Variants in EPHB1 observed in about 807,000 individuals in gnomAD.
The protein encoded by EPHB1 is ephrin type-B receptor 1.
Under a neutral mutation model 94.4 loss-of-function variants are expected in EPHB1, and 30 were observed. That is an observed-to-expected ratio of 0.32 (90% CI 0.24 to 0.43). EPHB1 has a LOEUF of 0.43. EPHB1 is among the 20% of genes least tolerant of loss of function. EPHB1 has a pLI of 1.00. For synonymous variants in EPHB1, 522 were observed against 489.1 expected, an observed-to-expected ratio of 1.07 and a Z score of -0.89; for missense variants, 1,055 against 1,308.3, an observed-to-expected ratio of 0.81 and a Z score of 2.99.
At chr3:135,026,453 C>T (rs1936174858) in intron 3 of EPHB1, among the ~76,000 whole-genome samples, 7 of 149,864 alleles carry the variant, frequency 4.7e-5, no homozygotes, top group Admixed American at 4.7e-4. Flanking sequence ...TTTCCCAGCA[C>T]CATTTATTAA....
At chr3:135,118,264 G>A (rs1390083513) in intron 4 of EPHB1, among the ~76,000 whole-genome samples, 2 of 152,192 alleles carry the variant, frequency 1.3e-5, no homozygotes, top group Non-Finnish European at 2.9e-5. Context: ...TTACCATGCT[G>A]TGTGCCATGG....
intron 12 of EPHB1, among the ~76,000 whole-genome samples, chr3:135,214,524 C>A (rs1943099100): frequency 6.6e-6 from 1 of 152,178 alleles, no homozygotes; most frequent in Non-Finnish European, 1.5e-5. Flanking sequence ...CTGGAGGAAG[C>A]CAGGCCTGTC....
At chr3:135,203,184 CAG>C (rs1168559389) in intron 12 of EPHB1, among the ~76,000 whole-genome samples, 2 of 152,168 alleles carry the variant, frequency 1.3e-5, no homozygotes, top group Non-Finnish European at 2.9e-5. Flanking sequence ...CACATGGACA[CAG>C]GGAGACATCA....
At chr3:134,825,316 A>G (rs1422489337) in intron 1 of EPHB1, among the ~76,000 whole-genome samples, 1 of 152,264 alleles carries the variant, frequency 6.6e-6, no homozygotes, top group Non-Finnish European at 1.5e-5. Context: ...AATGTCAATC[A>G]GGCCAGGTCT....
At chr3:135,013,645 G>A (rs984806466) in intron 3 of EPHB1, among the ~76,000 whole-genome samples, 1 of 152,194 alleles carries the variant, frequency 6.6e-6, no homozygotes, top group African/African-American at 2.4e-5. Context: ...CACCCAGCCC[G>A]CCCAGCTTGG....
chr3:135,114,537 TAAAAAAAAAAAA>T (rs56100882), intron 4 of EPHB1, among the ~76,000 whole-genome samples: 19 of 37,218 alleles, frequency 5.1e-4, no homozygotes, highest in African/African-American at 1.2e-3. Context: ...CTGTCTCTAC[TAAAAAAAAAAAA>T]AAAAAAAAAA....
At chr3:135,131,354 C>T (rs1940408381) in intron 4 of EPHB1, among the ~76,000 whole-genome samples, 1 of 152,166 alleles carries the variant, frequency 6.6e-6, no homozygotes, top group Non-Finnish European at 1.5e-5. Context: ...GCCCCCCGAC[C>T]TTATTGTTAT....
intron 1 of EPHB1, among the ~76,000 whole-genome samples, chr3:134,856,334 C>T (rs1011772570): frequency 6.6e-6 from 1 of 152,176 alleles, no homozygotes; most frequent in Non-Finnish European, 1.5e-5. Flanking sequence ...AACCCAGCCT[C>T]CCCTCAGTGT....
chr3:135,052,907 ATATGTGTG>A (rs1265204111), intron 3 of EPHB1, among the ~76,000 whole-genome samples: 1 of 98,384 alleles, frequency 1.0e-5, no homozygotes, highest in Non-Finnish European at 1.8e-5. Flanking sequence ...ATATATATAT[ATATGTGTG>A]TGTGTGTGTG....
At chr3:134,879,252 A>T (rs893060145) in intron 1 of EPHB1, among the ~76,000 whole-genome samples, 1 of 152,134 alleles carries the variant, frequency 6.6e-6, no homozygotes, top group African/African-American at 2.4e-5. Context: ...AGGAACTGAA[A>T]CCATTGAATC....
chr3:134,897,778 C>T (rs923156070), intron 1 of EPHB1, among the ~76,000 whole-genome samples: 1 of 152,200 alleles, frequency 6.6e-6, no homozygotes, highest in Non-Finnish European at 1.5e-5. Flanking sequence ...AAAGACCGTG[C>T]CTGGTTGTGG....
At chr3:134,882,766 CT>C (rs1337252648) in intron 1 of EPHB1, among the ~76,000 whole-genome samples, 5 of 17,248 alleles carry the variant, frequency 2.9e-4, no homozygotes, top group Admixed American at 1.8e-3. Context: ...TCCTTCCTTC[CT>C]TTCTTTCTTT....
chr3:135,016,512 C>G (rs1363139243), intron 3 of EPHB1, among the ~76,000 whole-genome samples: 1 of 152,186 alleles, frequency 6.6e-6, no homozygotes, highest in African/African-American at 2.4e-5. Context: ...TTACAACCAC[C>G]ACCACTCTGG....
intron 3 of EPHB1, among the ~76,000 whole-genome samples, chr3:135,105,006 G>T (rs1248354637): frequency 2.0e-5 from 3 of 152,162 alleles, no homozygotes; most frequent in Non-Finnish European, 2.9e-5. Flanking sequence ...GGTAACTTTT[G>T]TAACCTCTCC....
chr3:134,848,091 G>A (rs867159740), intron 1 of EPHB1, among the ~76,000 whole-genome samples: 2 of 152,194 alleles, frequency 1.3e-5, no homozygotes, highest in African/African-American at 4.8e-5. Flanking sequence ...CACATTCATA[G>A]TGGAGACTAA....
intron 1 of EPHB1, among the ~76,000 whole-genome samples, chr3:134,874,255 C>T (rs539356695): frequency 2.6e-5 from 4 of 152,248 alleles, no homozygotes; most frequent in Admixed American, 2.6e-4. Context: ...CCTTAGCAAA[C>T]TAACACAGGA....
chr3:135,005,807 C>T (rs1412144468), intron 3 of EPHB1, among the ~76,000 whole-genome samples: 1 of 152,252 alleles, frequency 6.6e-6, no homozygotes, highest in Admixed American at 6.5e-5. Flanking sequence ...ATGCCTTGCC[C>T]TGCTTCGGCT....
At chr3:134,911,038 A>G (rs1292280457) in intron 1 of EPHB1, among the ~76,000 whole-genome samples, 1 of 152,238 alleles carries the variant, frequency 6.6e-6, no homozygotes, top group Non-Finnish European at 1.5e-5. Context: ...GAGTTCAGGA[A>G]TGGGACAGAC....
intron 9 of EPHB1, among the ~76,000 whole-genome samples, 184 bp downstream of exon 9, chr3:135,167,190 G>C (rs979475695): frequency 6.6e-6 from 1 of 152,168 alleles, no homozygotes; most frequent in Admixed American, 6.5e-5. Flanking sequence ...CCCATCTGCC[G>C]TCTACCTGTC....
Sources: allele counts gnomAD v4.1 joint callset (sites outside exome capture counted in the v4.1 genomes callset), GRCh38; gene constraint gnomAD v4.1.1; transcripts MANE v1.5; gene names NCBI Gene and HGNC (gene_info 2026-07-23, HGNC 2026-07-21).